Variants in SRL observed in about 807,000 individuals in gnomAD.
SRL encodes the protein sarcalumenin.
In SRL, 23 loss-of-function variants were observed where a neutral mutation model predicts 39.5. That is an observed-to-expected ratio of 0.58 (90% CI 0.42 to 0.82). The LOEUF is 0.82. Ranked by LOEUF, SRL falls within the 40% of genes least tolerant of loss-of-function variation. The pLI is 0.00. For missense variants in SRL, 592 were observed against 607.8 expected (o/e 0.97, Z 0.27); for synonymous variants, 272 against 237.4 (o/e 1.15, Z -1.34).
intron 1 of SRL, among the ~76,000 whole-genome samples, chr16:4,236,480 G>C (rs1210282633): frequency 6.6e-6 from 1 of 151,880 alleles, no homozygotes; most frequent in Non-Finnish European, 1.5e-5. Context: ...TCTCTCCCTG[G>C]TACAGCTCCA....
intron 1 of SRL, among the ~76,000 whole-genome samples, chr16:4,232,742 G>A (rs148963293): frequency 6.8e-4 from 103 of 152,250 alleles, no homozygotes; most frequent in African/African-American, 1.9e-3. Flanking sequence ...GAACTCCTGC[G>A]GTCAAGGGAT....
intron 3 of SRL, among the ~76,000 whole-genome samples, chr16:4,202,732 G>A (rs1333645616): frequency 6.6e-6 from 1 of 152,064 alleles, no homozygotes; most frequent in Non-Finnish European, 1.5e-5. Context: ...CAGGCCCAAG[G>A]GAAGCAGAGT....
chr16:4,230,671 A>T (rs147083018), intron 1 of SRL, among the ~76,000 whole-genome samples: 224 of 151,872 alleles, frequency 1.5e-3, no homozygotes, highest in Admixed American at 2.7e-3. Flanking sequence ...TACAGGTGTG[A>T]GCCACCACAC....
rs76319857 is a variant in SRL at position 4,207,128 on chromosome 16, G to A, written c.62-2494C>T. 8.8e-4 allele frequency: 404 copies of A among 456,606 alleles called. 3 individuals carry two copies. The highest frequency in any genetic ancestry group is 4.9e-3 in the African/African-American group (245 of 50,154). The allele number at this position is 456,606 out of a possible 1,614,324, so 28.3% of individuals were successfully genotyped here. A position where few individuals can be genotyped will look rare whatever the true frequency, so the allele number is the denominator to read the frequency against. Reference sequence around the variant, plus strand: ...GGGGCTCCGTGGCCTCCTCGGAGGCGCCCTCTGCTTCTTCTGAGCTAGCCC... The same window carrying A: ...GGGGCTCCGTGGCCTCCTCGGAGGCACCCTCTGCTTCTTCTGAGCTAGCCC... On this transcript the variant is annotated intron_variant, in intron 1 of 5. Coordinates refer to ENST00000399609, the MANE Select transcript of SRL (RefSeq NM_001098814.2).
intron 3 of SRL, among the ~76,000 whole-genome samples, chr16:4,198,534 TGG>T (rs1367174944): frequency 9.3e-4 from 141 of 152,276 alleles, no homozygotes; most frequent in African/African-American, 3.3e-3. Flanking sequence ...CTACAATTAC[TGG>T]GCTCAAGCAA....
Position 4,192,285 on chromosome 16 carries a change from C to T in SRL, c.1290G>A (p.Lys430=), listed in dbSNP as rs1011125400. Residue 430 remains lysine (K), a synonymous_variant, in exon 6 of 6, where the codon AAG becomes AAA. Coordinates refer to ENST00000399609, the MANE Select transcript of SRL (RefSeq NM_001098814.2). This position sits in a 1 kb window ranked among gnomAD's most constrained non-coding sequence, Gnocchi z 4.0. ...CSYMGGCFLE[K]IERAITQELP... ...GCTCCTGAGTGATGGCCCGCTCAAT[C>T]TTCTCCAGAAAGCAACCTCCCATGT... 1 of 1,614,172 alleles carries T rather than the reference C, an allele frequency of 6.2e-7. No individual in the cohort carries two copies. Among genetic ancestry groups the T allele is most frequent in the African/African-American group, 1.3e-5 (1 of 75,058 alleles).
chr16:4,241,761 G>C (rs931919155), intron 1 of SRL, among the ~76,000 whole-genome samples: 1 of 152,186 alleles, frequency 6.6e-6, no homozygotes, highest in Non-Finnish European at 1.5e-5. Flanking sequence ...TCACAGCTCA[G>C]CTCTGTTTGC....
chr16:4,202,176 C>G (rs1286704997), intron 3 of SRL, among the ~76,000 whole-genome samples: 1 of 152,202 alleles, frequency 6.6e-6, no homozygotes, highest in African/African-American at 2.4e-5. Context: ...ACACACAGCT[C>G]ACCTAACAGG....
intron 1 of SRL, among the ~76,000 whole-genome samples, chr16:4,220,453 A>AC (rs1475909749): frequency 1.3e-5 from 2 of 150,856 alleles, no homozygotes; most frequent in African/African-American, 4.9e-5. Context: ...CTAGAAAAAA[A>AC]AAACACACAC....
intron 1 of SRL, among the ~76,000 whole-genome samples, chr16:4,234,488 A>C (rs1330306295): frequency 6.6e-6 from 1 of 152,190 alleles, no homozygotes; most frequent in Non-Finnish European, 1.5e-5. Context: ...CTTGACTCCG[A>C]GTAAAACCAC....
At position 4,192,915 on chromosome 16, in the gene SRL, G is replaced by A. The variant is rs767316339; in HGVS notation, c.660C>T (p.Leu220=). The A allele has an allele frequency of 6.2e-7, 1 of 1,614,050 alleles. No individual in the cohort carries two copies. Among genetic ancestry groups the A allele is most frequent in the Non-Finnish European group, 8.5e-7 (1 of 1,180,030 alleles). ...VCQWFIDRAD[L]IFVVFDPTKL... ...TTGTTGGGTCAAAGACGACAAAGAT[G>A]AGGTCAGCTCTGTCGATGAACCACT... is the stretch of plus-strand genomic sequence containing the variant. The change falls in exon 6 of 6, where the codon CTC becomes CTT. Residue 220 remains leucine, a synonymous_variant. Coordinates refer to ENST00000399609, the MANE Select transcript of SRL (RefSeq NM_001098814.2). This position sits in a 1 kb window ranked among gnomAD's most constrained non-coding sequence, Gnocchi z 4.0.
intron 3 of SRL, among the ~76,000 whole-genome samples, chr16:4,200,429 A>G (rs1023788300): frequency 2.0e-5 from 3 of 152,114 alleles, no homozygotes; most frequent in Non-Finnish European, 4.4e-5. Flanking sequence ...GCTGGCCTAT[A>G]CAGGAGGTGG....
At chr16:4,224,841 G>A (rs771202771) in intron 1 of SRL, among the ~76,000 whole-genome samples, 14 of 152,270 alleles carry the variant, frequency 9.2e-5, no homozygotes, top group Non-Finnish European at 1.5e-4. Context: ...GAAACAGCCC[G>A]ACTGTCCATC....
intron 1 of SRL, among the ~76,000 whole-genome samples, chr16:4,224,703 G>C (rs1031106008): frequency 2.7e-5 from 4 of 150,476 alleles, no homozygotes; most frequent in South Asian, 2.1e-4. Flanking sequence ...CTGGGCAACA[G>C]AGCAAGACCC....
intron 1 of SRL, among the ~76,000 whole-genome samples, chr16:4,235,893 C>T (rs1466464931): frequency 6.6e-6 from 1 of 151,996 alleles, no homozygotes; most frequent in Non-Finnish European, 1.5e-5. Context: ...TCGAAACCAG[C>T]CTGACCAACA....
At chr16:4,207,185 G>C (rs995432447) in intron 1 of SRL, 4 of 456,846 alleles carry the variant, frequency 8.8e-6, no homozygotes, top group African/African-American at 8.0e-5. Flanking sequence ...ACTCCTCTTC[G>C]GAGGGAACTC....
intron 1 of SRL, among the ~76,000 whole-genome samples, chr16:4,237,323 A>G (rs547606283): frequency 3.2e-4 from 48 of 152,190 alleles, no homozygotes; most frequent in Non-Finnish European, 5.6e-4. Flanking sequence ...AGTGACCTCA[A>G]TGGAACCTGT....
chr16:4,203,502 G>A (rs1318479874), intron 2 of SRL, among the ~76,000 whole-genome samples: 1 of 152,122 alleles, frequency 6.6e-6, no homozygotes, highest in African/African-American at 2.4e-5. Context: ...TTCCTGAACT[G>A]TTTGGTTATT....
chr16:4,230,488 C>T (rs2052647590), intron 1 of SRL, among the ~76,000 whole-genome samples: 2 of 151,394 alleles, frequency 1.3e-5, no homozygotes, highest in Admixed American at 1.3e-4. Context: ...TCAAGCGATT[C>T]TCCTGCCTCA....
Sources: gnomAD v4.1 joint callset for allele counts (sites outside exome capture counted in the v4.1 genomes callset) on GRCh38, gnomAD v4.1.1 for gene constraint, Gnocchi (gnomAD v3.1) non-coding constraint, MANE v1.5 for transcripts, NCBI Gene and HGNC (gene_info 2026-07-23, HGNC 2026-07-21) for gene names.